Variants in DIPK1A observed in about 807,000 individuals in gnomAD.
The protein encoded by DIPK1A is family with sequence similarity 69 member A.
A neutral mutation model predicts 40.8 loss-of-function variants in DIPK1A; 27 were observed. The observed-to-expected ratio is 0.66, with a 90% CI of 0.49 to 0.91. The LOEUF (loss-of-function observed/expected upper bound fraction) is 0.91. Ranked by LOEUF, DIPK1A falls within the 40% of genes least tolerant of loss-of-function variation. The pLI, the probability that DIPK1A is intolerant of heterozygous loss-of-function variation, is 0.00. For synonymous variants in DIPK1A, 166 were observed against 171.3 expected (o/e 0.97, Z 0.24); for missense variants, 412 against 505.7 (o/e 0.81, Z 1.78).
intron 2 of DIPK1A, 79 bp downstream of exon 2, chr1:92,876,217 C>A: frequency 1.1e-6 from 1 of 879,600 alleles, no homozygotes; most frequent in Non-Finnish European, 1.6e-6. Flanking sequence ...TTTTTAAAAA[C>A]ATCATTAGTA....
chr1:92,913,093 G>GA (rs201735815), intron 1 of DIPK1A, among the ~76,000 whole-genome samples: 3,629 of 150,526 alleles, frequency 0.024, 108 homozygotes, highest in African/African-American at 0.069. Context: ...GAAAAAGAGA[G>GA]AAAAAAAAAG....
chr1:92,844,521 C>A (rs774006313), intron 4 of DIPK1A, among the ~76,000 whole-genome samples: 5 of 152,166 alleles, frequency 3.3e-5, no homozygotes, highest in Non-Finnish European at 5.9e-5. Context: ...AAAAAACCAC[C>A]GCCTCATATG....
At chr1:92,952,677 A>G (rs1336386577) in intron 1 of DIPK1A, among the ~76,000 whole-genome samples, 2 of 152,170 alleles carry the variant, frequency 1.3e-5, no homozygotes, top group African/African-American at 4.8e-5. Context: ...TATCCCATAC[A>G]GCACAATTTA....
intron 1 of DIPK1A, among the ~76,000 whole-genome samples, chr1:92,908,278 A>C (rs1051302655): frequency 6.6e-6 from 1 of 152,186 alleles, no homozygotes; most frequent in African/African-American, 2.4e-5. Context: ...CACCTGAGGA[A>C]AAAAATTAGA....
chr1:92,850,247 T>C (rs1303380341), intron 3 of DIPK1A, among the ~76,000 whole-genome samples: 3 of 152,128 alleles, frequency 2.0e-5, no homozygotes, highest in African/African-American at 7.2e-5. Flanking sequence ...TGGGATTACA[T>C]GCGTGAGCCA....
chr1:92,843,695 A>G lies in DIPK1A; in HGVS notation c.975T>C (p.Leu325=). 6.4e-7 allele frequency: 1 copy of G among 1,551,656 alleles called. No homozygotes were observed. Among genetic ancestry groups the G allele is most frequent in the Non-Finnish European group, 8.7e-7 (1 of 1,146,934 alleles). The change falls in exon 5 of 5, where the codon CTT becomes CTC. Residue 325 remains leucine (L), a synonymous_variant. Coordinates refer to ENST00000370310, the MANE Select transcript of DIPK1A (RefSeq NM_001006605.5). ...CAGACTCACAGTGACGATCCTTAAT[A>G]AGTTCTTTCAGGTTTGTCTCTGGCA... ...KIVPETNLKE[L]IKDRHCESDL...
intron 3 of DIPK1A, among the ~76,000 whole-genome samples, chr1:92,850,311 T>C (rs1278579488): frequency 6.6e-6 from 1 of 152,112 alleles, no homozygotes; most frequent in Admixed American, 6.5e-5. Context: ...AAACAGCATC[T>C]AACATCAAAG....
rs374656006 is a variant in DIPK1A at position 92,909,549 on chromosome 1, T to C, written c.55-33119A>G. 2.6e-5 allele frequency among the ~76,000 whole-genome samples: 4 copies of C among 152,316 alleles called. 1 individual carries two copies. The highest frequency in any genetic ancestry group is 9.6e-5 in the African/African-American group (4 of 41,566). On this transcript the variant is annotated intron_variant, in intron 1 of 4. Transcript: ENST00000370310. ...AAGGAAGGAGTTGGGAGATGCTTCCTGGCCTCAAGCCCAGAAAGAGTGGCT... is the reference window on the plus strand; with the variant it reads ...AAGGAAGGAGTTGGGAGATGCTTCCCGGCCTCAAGCCCAGAAAGAGTGGCT...
intron 3 of DIPK1A, among the ~76,000 whole-genome samples, chr1:92,847,681 TA>T (rs1687685057): frequency 6.6e-6 from 1 of 152,222 alleles, no homozygotes; most frequent in Non-Finnish European, 1.5e-5. Flanking sequence ...AACTACTATT[TA>T]AGTATCTAGT....
chr1:92,862,047 T>C (rs1259375120), intron 2 of DIPK1A, among the ~76,000 whole-genome samples: 1 of 152,140 alleles, frequency 6.6e-6, no homozygotes, highest in East Asian at 1.9e-4. Flanking sequence ...TCTTTATGAG[T>C]GTTCTTTATG....
At chr1:92,940,449 T>C (rs1651107886) in intron 1 of DIPK1A, among the ~76,000 whole-genome samples, 1 of 152,338 alleles carries the variant, frequency 6.6e-6, no homozygotes, top group Non-Finnish European at 1.5e-5. Flanking sequence ...GTGATTATCA[T>C]TTAATTAAGG....
intron 2 of DIPK1A, among the ~76,000 whole-genome samples, chr1:92,851,562 A>AAAAAAAAAAAT (rs1687826700): frequency 1.1e-5 from 1 of 92,734 alleles, no homozygotes; most frequent in African/African-American, 3.4e-5. Flanking sequence ...AAAAAAAAAA[A>AAAAAAAAAAAT]CTTCTGGTTT....
intron 1 of DIPK1A, among the ~76,000 whole-genome samples, chr1:92,882,741 AT>A (rs1477806172): frequency 1.3e-5 from 2 of 152,200 alleles, no homozygotes; most frequent in Non-Finnish European, 1.5e-5. Context: ...TTAAAAATGT[AT>A]ACTTTTCTCT....
At chr1:92,849,360 T>TTTTG (rs1687736932) in intron 3 of DIPK1A, among the ~76,000 whole-genome samples, 1 of 151,364 alleles carries the variant, frequency 6.6e-6, no homozygotes, top group Non-Finnish European at 1.5e-5. Context: ...TTTTTTTTTT[T>TTTTG]TTTTTGAGAC....
chr1:92,902,046 C>G (rs1010256475), intron 1 of DIPK1A, among the ~76,000 whole-genome samples: 2 of 151,996 alleles, frequency 1.3e-5, no homozygotes, highest in Non-Finnish European at 2.9e-5. Flanking sequence ...GTGGGGGACG[C>G]GGGAGGGCAG....
intron 1 of DIPK1A, among the ~76,000 whole-genome samples, chr1:92,926,170 CCTTT>C (rs1251513613): frequency 6.6e-6 from 1 of 152,092 alleles, no homozygotes. Flanking sequence ...AACACTTCTT[CCTTT>C]CTAATATGAA....
chr1:92,913,484 A>G (rs1170644807), intron 1 of DIPK1A, among the ~76,000 whole-genome samples: 1 of 152,208 alleles, frequency 6.6e-6, no homozygotes, highest in Non-Finnish European at 1.5e-5. Context: ...TGGCAAAAAT[A>G]TCCATTTTGT....
At chr1:92,899,582 A>G (rs1436221201) in intron 1 of DIPK1A, among the ~76,000 whole-genome samples, 3 of 152,072 alleles carry the variant, frequency 2.0e-5, no homozygotes, top group African/African-American at 7.2e-5. Context: ...TCGCTTCTTC[A>G]TTTTATTAAT....
At chr1:92,915,558 ATC>A (rs1179506755) in intron 1 of DIPK1A, among the ~76,000 whole-genome samples, 4 of 152,198 alleles carry the variant, frequency 2.6e-5, no homozygotes, top group Non-Finnish European at 4.4e-5. Flanking sequence ...TGATGACAGT[ATC>A]AGTAAGAATA....
Sources: gnomAD v4.1 joint callset for allele counts (sites outside exome capture counted in the v4.1 genomes callset) on GRCh38, gnomAD v4.1.1 for gene constraint, MANE v1.5 for transcripts, NCBI Gene and HGNC (gene_info 2026-07-23, HGNC 2026-07-21) for gene names.